UNC80: variants seen among roughly 807,000 people sequenced by gnomAD.
UNC80 encodes the protein protein unc-80 homolog.
UNC80 carries 164 observed loss-of-function variants against 384.6 expected under a neutral mutation model. The observed-to-expected ratio is 0.43, with a 90% CI of 0.38 to 0.49. The LOEUF (loss-of-function observed/expected upper bound fraction) is 0.49, where lower values mean the gene tolerates loss of function less well. UNC80 is among the 20% of genes least tolerant of loss of function. UNC80 has a pLI of 0.00. For missense variants in UNC80, 3,330 were observed against 4,143.0 expected (o/e 0.80, Z 5.39); for synonymous variants, 1,486 against 1,527.8 (o/e 0.97, Z 0.64).
At chr2:209,819,833 C>A (rs2080015251) in intron 12 of UNC80, among the ~76,000 whole-genome samples, 1 of 152,060 alleles carries the variant, frequency 6.6e-6, no homozygotes, top group Non-Finnish European at 1.5e-5. Flanking sequence ...ATAATTTAAA[C>A]ATGCAAATAT....
Position 209,813,906 on chromosome 2 carries a change from T to C in UNC80, c.1200+65T>C. On this transcript the variant is annotated intron_variant, in intron 8 of 64. Coordinates refer to ENST00000673920, the MANE Select transcript of UNC80 (RefSeq NM_001371986.1). Reference sequence around the variant, plus strand: ...TTTGCCATAATGGATTCTTTTTTTCTCTGTGCATCCAGCTCTTAGGTACTC... The same window carrying C: ...TTTGCCATAATGGATTCTTTTTTTCCCTGTGCATCCAGCTCTTAGGTACTC... The C allele has an allele frequency of 2.0e-6, 3 of 1,516,298 alleles. No homozygotes were observed. The South Asian group carries it at 3.9e-5, about 20-fold the overall frequency. 93.9% of individuals were successfully genotyped at this position (1,516,298 alleles called of 1,614,324 possible). A position where few individuals can be genotyped will look rare whatever the true frequency, so the allele number is the denominator to read the frequency against.
At chr2:209,874,565 G>A (rs1182788869) in intron 23 of UNC80, among the ~76,000 whole-genome samples, 1 of 152,180 alleles carries the variant, frequency 6.6e-6, no homozygotes, top group East Asian at 1.9e-4. Flanking sequence ...TTGTCTTTTT[G>A]AAACCATCAT....
intron 28 of UNC80, among the ~76,000 whole-genome samples, chr2:209,904,274 A>G (rs936142789): frequency 9.9e-5 from 15 of 152,210 alleles, no homozygotes; most frequent in Admixed American, 2.0e-4. Context: ...CTAGTTGAAG[A>G]TGATTGGCCA....
Position 209,922,377 on chromosome 2 carries a change from G to A in UNC80, c.5656G>A (p.Ala1886Thr), listed in dbSNP as rs1280728138. ...CTGGTCAGTGCGTTCAGCCGTCAGT[G>A]CTGAAGGTGTGTCCTCTTGCATACG... is the stretch of plus-strand genomic sequence containing the variant. ...SVWSVRSAVS[A>T]EDEEHTTEHT... is the part of the protein sequence containing the mutation. The change falls in exon 35 of 65, where the codon GCT becomes ACT. Residue 1886 changes from alanine (A) to threonine (T), a missense_variant. Physicochemically the swap from Ala to Thr is moderately conservative, Grantham distance 58. This residue lies in a region of UNC80 where 1,049 missense variants were observed against 1,488.6 expected (regional missense o/e 0.70). Coordinates refer to ENST00000673920, the MANE Select transcript of UNC80 (RefSeq NM_001371986.1). 24 of 1,551,448 alleles carry A rather than the reference G, an allele frequency of 1.5e-5. No individual in the cohort carries two copies. The highest frequency in any genetic ancestry group is 2.7e-5 in the African/African-American group (2 of 73,016).
chr2:209,920,524 A>T (rs549439490), intron 33 of UNC80, among the ~76,000 whole-genome samples: 20 of 152,296 alleles, frequency 1.3e-4, no homozygotes, highest in African/African-American at 4.8e-4. Context: ...TCTTTTCTTC[A>T]TTGTTCCTGA....
chr2:209,872,994 A>G lies in UNC80; in HGVS notation c.3840+24A>G, dbSNP rs879883440. ...ACGTGAGCTTTCGGTTTTCTTCTAT[A>G]ACAATTAGGTTGCTTAAGTGAAGTG... On this transcript the variant is annotated intron_variant, in intron 23 of 64. Coordinates refer to ENST00000673920, the MANE Select transcript of UNC80 (RefSeq NM_001371986.1). The surrounding 1 kb of genome is among the most constrained non-coding windows in gnomAD (Gnocchi z 4.1). 1 of 1,547,520 alleles carries G rather than the reference A, an allele frequency of 6.5e-7. No individual in the cohort carries two copies. The highest frequency in any genetic ancestry group is 8.7e-7 in the Non-Finnish European group (1 of 1,143,338).
At position 209,956,527 on chromosome 2, in the gene UNC80, C is replaced by T. The variant is rs184122816; in HGVS notation, c.7458-1117C>T. 2.0e-5 allele frequency among the ~76,000 whole-genome samples: 3 copies of T among 152,296 alleles called. No individual in the cohort carries two copies. The East Asian group carries it at 5.8e-4, about 29-fold the overall frequency. On this transcript the variant is annotated intron_variant, in intron 48 of 64. Coordinates refer to ENST00000673920, the MANE Select transcript of UNC80 (RefSeq NM_001371986.1). Reference sequence around the variant, plus strand: ...CTGCATTTCTTCTCACATGCTCCCCCTCTACCTTCCAACCAGCAATAGCAT... The same window carrying T: ...CTGCATTTCTTCTCACATGCTCCCCTTCTACCTTCCAACCAGCAATAGCAT...
intron 41 of UNC80, 28 bp from the exon 42 acceptor site, chr2:209,937,497 CTTTT>C (rs760305950): frequency 6.9e-7 from 1 of 1,453,122 alleles, no homozygotes; most frequent in East Asian, 2.5e-5. Flanking sequence ...CTTTTGAACT[CTTTT>C]TTTTGTCTCT....
chr2:209,851,929 T>C (rs956464971), intron 22 of UNC80, among the ~76,000 whole-genome samples: 2 of 152,100 alleles, frequency 1.3e-5, no homozygotes, highest in African/African-American at 4.8e-5. Context: ...ATAAATTCCA[T>C]ATTTTATACC....
intron 59 of UNC80, among the ~76,000 whole-genome samples, chr2:209,978,914 A>G (rs2093081947): frequency 1.3e-5 from 2 of 152,214 alleles, no homozygotes; most frequent in South Asian, 4.1e-4. Context: ...GTCATTTAAA[A>G]AGAATTCAGG....
At chr2:209,891,940 G>T (rs143161716) in intron 26 of UNC80, among the ~76,000 whole-genome samples, 69 of 152,206 alleles carry the variant, frequency 4.5e-4, no homozygotes, top group African/African-American at 1.5e-3. Context: ...ACACGCTGAG[G>T]ACAATTCAGA....
At chr2:209,871,634 A>G (rs1321486246) in intron 22 of UNC80, among the ~76,000 whole-genome samples, 1 of 152,138 alleles carries the variant, frequency 6.6e-6, no homozygotes, top group Non-Finnish European at 1.5e-5. Flanking sequence ...AAAAACTGAC[A>G]CAAGTCAAAA....
intron 18 of UNC80, among the ~76,000 whole-genome samples, chr2:209,835,240 C>T (rs1360815081): frequency 6.6e-6 from 1 of 152,138 alleles, no homozygotes; most frequent in African/African-American, 2.4e-5. Context: ...TCCAGTCTCT[C>T]CCTCACTTCT....
chr2:209,837,901 A>T (rs2081442872), intron 18 of UNC80, among the ~76,000 whole-genome samples: 1 of 151,702 alleles, frequency 6.6e-6, no homozygotes. Flanking sequence ...CCTCCTGAGT[A>T]GCTGGGACTA....
intron 34 of UNC80, 31 bp downstream of exon 34, chr2:209,921,717 G>A (rs1270855733): frequency 6.6e-6 from 10 of 1,512,092 alleles, no homozygotes; most frequent in African/African-American, 1.4e-5. Flanking sequence ...TTCTTGGGGG[G>A]CTGAGTCTCA....
chr2:209,806,541 A>G (rs929503551), intron 7 of UNC80, among the ~76,000 whole-genome samples: 5 of 152,238 alleles, frequency 3.3e-5, no homozygotes, highest in Non-Finnish European at 4.4e-5. Context: ...GCCCAGCTGC[A>G]GTGGTTGGTT....
chr2:209,922,089 T>C (rs2090080952), intron 34 of UNC80, among the ~76,000 whole-genome samples, 163 bp from the exon 35 acceptor site: 1 of 152,260 alleles, frequency 6.6e-6, no homozygotes, highest in African/African-American at 2.4e-5. Flanking sequence ...GTCTTTCCTC[T>C]GTAGGGCTTT....
chr2:209,811,314 C>A (rs1216576509), intron 7 of UNC80, among the ~76,000 whole-genome samples: 1 of 152,148 alleles, frequency 6.6e-6, no homozygotes. Flanking sequence ...CCCAGCCAGA[C>A]TATTCAGGCC....
chr2:209,994,307 C>G, intron 64 of UNC80, 43 bp downstream of exon 64: 1 of 1,492,110 alleles, frequency 6.7e-7, no homozygotes, highest in Non-Finnish European at 9.0e-7. Context: ...TCCCTGTGTA[C>G]TTACTTCTAG....
Sources: gnomAD v4.1 joint callset for allele counts (sites outside exome capture counted in the v4.1 genomes callset) on GRCh38, gnomAD v4.1.1 for gene constraint, gnomAD v4.1.1 regional missense constraint, Gnocchi (gnomAD v3.1) non-coding constraint, MANE v1.5 for transcripts, NCBI Gene and HGNC (gene_info 2026-07-23, HGNC 2026-07-21) for gene names.